DSCAM: variants seen among roughly 807,000 people sequenced by gnomAD.
DSCAM encodes the protein cell adhesion molecule DSCAM.
Under a neutral mutation model 217.7 loss-of-function variants are expected in DSCAM, and 47 were observed. That is an observed-to-expected ratio of 0.22 (90% CI 0.17 to 0.28). The LOEUF is 0.28. Among genes scored for constraint, DSCAM ranks in the 10% least tolerant of loss-of-function variants. The probability of loss-of-function intolerance (pLI) is 1.00; values close to 1 mark genes in which losing one functional copy is unlikely to be tolerated. For synonymous variants in DSCAM, 1,056 were observed against 1,015.3 expected (o/e 1.04, Z -0.76); for missense variants, 2,080 against 2,618.3 (o/e 0.79, Z 4.49).
intron 2 of DSCAM, among the ~76,000 whole-genome samples, chr21:40,693,712 A>G (rs1487811067): frequency 6.6e-6 from 1 of 152,196 alleles, no homozygotes; most frequent in South Asian, 2.1e-4. Flanking sequence ...GACAGTTGCA[A>G]AGCAGTTTGG....
intron 11 of DSCAM, among the ~76,000 whole-genome samples, chr21:40,213,312 G>A (rs1174651960): frequency 6.6e-6 from 1 of 152,188 alleles, no homozygotes; most frequent in Non-Finnish European, 1.5e-5. Context: ...AGAGTGCACT[G>A]TGAGTGAGCC....
intron 10 of DSCAM, among the ~76,000 whole-genome samples, chr21:40,276,836 A>G (rs1389829655): frequency 1.3e-5 from 2 of 152,210 alleles, no homozygotes; most frequent in African/African-American, 4.8e-5. Flanking sequence ...ACATCAGATT[A>G]GTGCAGTAAG....
At chr21:40,550,843 C>T (rs765941494) in intron 3 of DSCAM, among the ~76,000 whole-genome samples, 8 of 152,116 alleles carry the variant, frequency 5.3e-5, no homozygotes, top group Admixed American at 6.5e-5. Flanking sequence ...ACAAAAGGGA[C>T]GAGAGGCACA....
intron 29 of DSCAM, among the ~76,000 whole-genome samples, chr21:40,055,003 A>G (rs2146503637): frequency 6.6e-6 from 1 of 152,356 alleles, no homozygotes; most frequent in South Asian, 2.1e-4. Flanking sequence ...ATTACTGGAA[A>G]GGAAATATAA....
intron 11 of DSCAM, among the ~76,000 whole-genome samples, chr21:40,259,661 C>T (rs372505754): frequency 0.039 from 2,288 of 57,936 alleles, no homozygotes; most frequent in Middle Eastern, 0.1. Flanking sequence ...GTCAGCCATT[C>T]TTTTTTTTTT....
At chr21:40,317,735 G>A (rs1359821109) in intron 8 of DSCAM, among the ~76,000 whole-genome samples, 1 of 152,050 alleles carries the variant, frequency 6.6e-6, no homozygotes, top group Non-Finnish European at 1.5e-5. Context: ...GTTTCACCAT[G>A]TTGGCCAGGC....
At chr21:40,470,721 T>C (rs1436638061) in intron 3 of DSCAM, among the ~76,000 whole-genome samples, 2 of 152,152 alleles carry the variant, frequency 1.3e-5, no homozygotes, top group Non-Finnish European at 2.9e-5. Context: ...GTATGGCTAA[T>C]CTTTGTATTT....
At chr21:40,545,197 C>T (rs1209420261) in intron 3 of DSCAM, among the ~76,000 whole-genome samples, 3 of 152,164 alleles carry the variant, frequency 2.0e-5, no homozygotes, top group African/African-American at 7.2e-5. Context: ...GCCACATGGA[C>T]ATCAGCAGAC....
intron 23 of DSCAM, 33 bp downstream of exon 23, chr21:40,085,569 G>T: frequency 1.4e-6 from 2 of 1,449,664 alleles, no homozygotes. Context: ...ACATGTAAAA[G>T]ATATCATTAA....
intron 9 of DSCAM, among the ~76,000 whole-genome samples, chr21:40,300,750 G>A (rs1175551092): frequency 6.6e-6 from 1 of 152,224 alleles, no homozygotes; most frequent in Non-Finnish European, 1.5e-5. Context: ...GAGGGCATCA[G>A]AATCACCTGA....
In DSCAM at chr21:40,705,528, G is replaced by A. The variant is rs559208727; in HGVS notation, c.361+2926C>T. ...ACTCACAGTTTCAACTGCCTGGGGAGGCCTCAGGAAACGTACAATCATGGC... is the reference window on the plus strand; with the variant it reads ...ACTCACAGTTTCAACTGCCTGGGGAAGCCTCAGGAAACGTACAATCATGGC... On this transcript the variant is annotated intron_variant, in intron 2 of 32. Transcript: ENST00000400454. 1.5e-3 allele frequency among the ~76,000 whole-genome samples: 232 copies of A among 152,248 alleles called. 2 individuals carry two copies. The highest frequency in any genetic ancestry group is 2.9e-3 in the Non-Finnish European group (199 of 68,022).
At chr21:40,622,193 G>A (rs2058772523) in intron 3 of DSCAM, among the ~76,000 whole-genome samples, 1 of 151,946 alleles carries the variant, frequency 6.6e-6, no homozygotes, top group Admixed American at 6.5e-5. Flanking sequence ...CTTACCCCTT[G>A]ACCTTCACCT....
chr21:40,102,888 T>C (rs2089772547), intron 20 of DSCAM, among the ~76,000 whole-genome samples: 1 of 152,188 alleles, frequency 6.6e-6, no homozygotes, highest in Non-Finnish European at 1.5e-5. Flanking sequence ...TGGTCTTGCA[T>C]GTGCTTACTG....
chr21:40,432,213 AATAAATAT>A (rs1405693269), intron 3 of DSCAM, among the ~76,000 whole-genome samples: 1 of 151,080 alleles, frequency 6.6e-6, no homozygotes, highest in East Asian at 1.9e-4. Flanking sequence ...AATAATAAAA[AATAAATAT>A]ATAAATAAAT....
chr21:40,801,234 T>A (rs1219996187), intron 1 of DSCAM, among the ~76,000 whole-genome samples: 1 of 152,166 alleles, frequency 6.6e-6, no homozygotes, highest in Non-Finnish European at 1.5e-5. Context: ...AAGGAAAATA[T>A]AAAAGGAGCT....
At chr21:40,716,921 C>T (rs1045333713) in intron 1 of DSCAM, among the ~76,000 whole-genome samples, 5 of 152,098 alleles carry the variant, frequency 3.3e-5, no homozygotes, top group Admixed American at 2.0e-4. Flanking sequence ...GAAACATTCA[C>T]AAAATGCAAC....
rs985899374 is a variant in DSCAM at position 40,718,891 on chromosome 21, C to T, written c.44-10120G>A. Reference sequence around the variant, plus strand: ...CTGTAATCCCAGCACTTTTGGAGGCCGAGGTGTGTGGCTCGCTTGAGCCCA... The same window carrying T: ...CTGTAATCCCAGCACTTTTGGAGGCTGAGGTGTGTGGCTCGCTTGAGCCCA... On this transcript the variant is annotated intron_variant, in intron 1 of 32. Transcript: ENST00000400454. Among the ~76,000 whole-genome samples the T allele has an allele frequency of 4.6e-5, 7 of 152,164 alleles. No homozygotes were observed. The South Asian group carries it at 6.2e-4, about 14-fold the overall frequency.
chr21:40,273,934 C>T (rs775614698), intron 11 of DSCAM, among the ~76,000 whole-genome samples: 2 of 152,210 alleles, frequency 1.3e-5, no homozygotes, highest in African/African-American at 4.8e-5. Context: ...TATCATCACA[C>T]TGGCGGTAAG....
At chr21:40,158,164 C>T (rs562592123) in intron 16 of DSCAM, among the ~76,000 whole-genome samples, 83 of 152,200 alleles carry the variant, frequency 5.5e-4, no homozygotes, top group Non-Finnish European at 9.6e-4. Context: ...GCAGGAGGAC[C>T]GCTGCAGGTC....
Sources: gnomAD v4.1 joint callset for allele counts (sites outside exome capture counted in the v4.1 genomes callset) on GRCh38, gnomAD v4.1.1 for gene constraint, MANE v1.5 for transcripts, NCBI Gene and HGNC (gene_info 2026-07-23, HGNC 2026-07-21) for gene names.